MAPK10: variants seen among roughly 807,000 people sequenced by gnomAD.
MAPK10 encodes JNK3 alpha protein kinase.
Under a neutral mutation model 59.3 loss-of-function variants are expected in MAPK10, and 25 were observed. The ratio of observed to expected loss-of-function variants is 0.42; its 90% CI spans 0.31 to 0.59. MAPK10 has a LOEUF of 0.59. MAPK10 is among the 20% of genes least tolerant of loss of function. The probability of loss-of-function intolerance (pLI) is 0.15; values close to 1 mark genes in which losing one functional copy is unlikely to be tolerated. For synonymous variants in MAPK10, 190 were observed against 200.5 expected (o/e 0.95, Z 0.44); for missense variants, 351 against 568.9 (o/e 0.62, Z 3.90).
intron 2 of MAPK10, among the ~76,000 whole-genome samples, chr4:86,259,789 C>G (rs73834260): frequency 0.013 from 1,970 of 152,184 alleles, 42 homozygotes; most frequent in African/African-American, 0.045. Flanking sequence ...CATCAGCTAT[C>G]TGCCATTATC....
chr4:86,576,506 G>A (rs1167522026), intron 1 of MAPK10, among the ~76,000 whole-genome samples: 1 of 152,116 alleles, frequency 6.6e-6, no homozygotes, highest in East Asian at 1.9e-4. Context: ...CGGGCGCGGT[G>A]GCTCACGCCT....
chr4:86,078,602 TATACACACAC>T (rs1215976906), intron 9 of MAPK10, among the ~76,000 whole-genome samples: 2 of 149,246 alleles, frequency 1.3e-5, no homozygotes, highest in Admixed American at 6.6e-5. Flanking sequence ...TATATATATA[TATACACACAC>T]ACACACACAC....
In MAPK10 at chr4:86,198,465, G is replaced by A. The variant is rs1480638752; in HGVS notation, c.-6-4058C>T. 3.9e-5 allele frequency among the ~76,000 whole-genome samples: 6 copies of A among 152,020 alleles called. No homozygotes were observed. In the East Asian group the frequency reaches 1.2e-3, roughly 29 times the overall value. On this transcript the variant is annotated intron_variant, in intron 2 of 13. Transcript: ENST00000641462. ...ATAAAGACCCTCGTATCTGACCCAG[G>A]AGTCTTGTATCTTCTGCCAATATTC...
intron 1 of MAPK10, among the ~76,000 whole-genome samples, chr4:86,549,091 A>G (rs1759547629): frequency 6.6e-6 from 1 of 151,862 alleles, no homozygotes; most frequent in Admixed American, 6.6e-5. Context: ...TATTTAATAT[A>G]TGTAAAATAT....
chr4:86,356,603 A>G, intron 1 of MAPK10: 2 of 205,340 alleles, frequency 9.7e-6, no homozygotes, highest in Non-Finnish European at 1.7e-5. Context: ...CATGAGGATA[A>G]AATGTACTCA....
chr4:86,386,123 A>T lies in MAPK10; in HGVS notation c.-121-31479T>A, dbSNP rs529112438. ...TGTGCCTTCTCCCACCTGATTACGA[A>T]CTCCATTCGGAGGGAAATGGGGGGG... On this transcript the variant is annotated intron_variant, in intron 1 of 13. Coordinates refer to the MAPK10 transcript ENST00000361569. 2.7e-4 allele frequency among the ~76,000 whole-genome samples: 41 copies of T among 152,164 alleles called. No homozygotes were observed. In the South Asian group the frequency reaches 8.3e-3, roughly 31 times the overall value.
chr4:86,239,004 T>C (rs2092505540), intron 2 of MAPK10, among the ~76,000 whole-genome samples: 1 of 152,206 alleles, frequency 6.6e-6, no homozygotes, highest in South Asian at 2.1e-4. Context: ...GCTCTTATTA[T>C]TTTGAGATTA....
At chr4:86,280,096 C>A (rs981543578) in intron 2 of MAPK10, among the ~76,000 whole-genome samples, 5 of 152,010 alleles carry the variant, frequency 3.3e-5, no homozygotes, top group African/African-American at 7.2e-5. Flanking sequence ...GCAACAAAAA[C>A]AAAAATTGAC....
chr4:86,200,890 A>T (rs1275280560), intron 2 of MAPK10, among the ~76,000 whole-genome samples: 1 of 151,880 alleles, frequency 6.6e-6, no homozygotes, highest in Admixed American at 6.6e-5. Flanking sequence ...TTATTTTAAA[A>T]TATACAATAA....
intron 2 of MAPK10, among the ~76,000 whole-genome samples, chr4:86,251,038 T>C (rs1218131675): frequency 7.7e-6 from 1 of 130,340 alleles, no homozygotes; most frequent in African/African-American, 4.0e-5. Flanking sequence ...GAATTGTCCA[T>C]CACAAAAGAT....
intron 2 of MAPK10, among the ~76,000 whole-genome samples, chr4:86,302,234 C>T (rs909869442): frequency 1.5e-4 from 23 of 152,334 alleles, no homozygotes; most frequent in Non-Finnish European, 7.3e-5. Flanking sequence ...TAATAAATTA[C>T]TGGCATAGCT....
intron 4 of MAPK10, among the ~76,000 whole-genome samples, chr4:86,154,750 G>GA (rs980772311): frequency 6.6e-6 from 1 of 151,568 alleles, no homozygotes; most frequent in Non-Finnish European, 1.5e-5. Context: ...ACCACAATGG[G>GA]AAAAAAAATA....
rs140231343 is a variant in MAPK10, at chr4:86,269,514, T to C, written c.-6-75107A>G. On this transcript the variant is annotated intron_variant, in intron 2 of 13. Coordinates refer to ENST00000641462, the MANE Select transcript of MAPK10 (RefSeq NM_138982.4). ...GAAAGTGCTTGAGTGCCTACCAGAATGCACAGTCTGTACATCTTGTCTCAG... is the reference window on the plus strand; with the variant it reads ...GAAAGTGCTTGAGTGCCTACCAGAACGCACAGTCTGTACATCTTGTCTCAG... Among the ~76,000 whole-genome samples the C allele has an allele frequency of 5.8e-3, 888 of 152,254 alleles. 8 individuals carry two copies. Among genetic ancestry groups the C allele is most frequent in the African/African-American group, 0.02 (836 of 41,566 alleles).
intron 1 of MAPK10, among the ~76,000 whole-genome samples, chr4:86,486,212 CAAG>C (rs1435895773): frequency 1.1e-4 from 16 of 152,154 alleles, no homozygotes; most frequent in African/African-American, 3.9e-4. Context: ...TCACTTGAAG[CAAG>C]AAGTTTGGAT....
At chr4:86,333,896 CTATTAT>C (rs1013293762) in intron 2 of MAPK10, among the ~76,000 whole-genome samples, 3 of 151,886 alleles carry the variant, frequency 2.0e-5, no homozygotes, top group Non-Finnish European at 4.4e-5. Context: ...ACTTTTACCA[CTATTAT>C]TATTATTATT....
At chr4:86,433,164 G>A (rs1748262781) in intron 1 of MAPK10, among the ~76,000 whole-genome samples, 1 of 152,190 alleles carries the variant, frequency 6.6e-6, no homozygotes, top group South Asian at 2.1e-4. Flanking sequence ...GATTTCAGCA[G>A]TGCAAGGAGC....
intron 2 of MAPK10, among the ~76,000 whole-genome samples, chr4:86,315,940 G>A (rs1278058275): frequency 1.3e-5 from 2 of 152,086 alleles, no homozygotes; most frequent in East Asian, 1.9e-4. Flanking sequence ...CTTCCCCAAA[G>A]CAGTAAAAAG....
intron 2 of MAPK10, among the ~76,000 whole-genome samples, chr4:86,324,132 C>T (rs1172062003): frequency 1.3e-5 from 2 of 152,102 alleles, no homozygotes; most frequent in Admixed American, 6.5e-5. Flanking sequence ...TTAGGTCGGG[C>T]GTACTGGCTC....
At chr4:86,568,335 A>T (rs1761210998) in intron 1 of MAPK10, among the ~76,000 whole-genome samples, 1 of 152,206 alleles carries the variant, frequency 6.6e-6, no homozygotes, top group Admixed American at 6.5e-5. Flanking sequence ...GTCATGGATT[A>T]GAGGAATCAA....
Sources: allele counts gnomAD v4.1 joint callset (sites outside exome capture counted in the v4.1 genomes callset), GRCh38; gene constraint gnomAD v4.1.1; transcripts MANE v1.5; gene names NCBI Gene and HGNC (gene_info 2026-07-23, HGNC 2026-07-21).